Variants in EYS observed in about 807,000 individuals in gnomAD.
EYS encodes EGF-like photoreceptor maintenance factor.
Under a neutral mutation model 282.1 loss-of-function variants are expected in EYS, and 250 were observed. The observed-to-expected ratio is 0.89, with a 90% CI of 0.80 to 0.98. The LOEUF (loss-of-function observed/expected upper bound fraction) is 0.98. EYS is among the 50% of genes least tolerant of loss of function. EYS has a pLI of 0.00. For missense variants in EYS, 4,016 were observed against 3,709.0 expected (o/e 1.08, Z -2.15); for synonymous variants, 1,355 against 1,282.9 (o/e 1.06, Z -1.20).
intron 22 of EYS, among the ~76,000 whole-genome samples, chr6:64,799,166 C>T (rs1356746664): frequency 6.6e-6 from 1 of 151,838 alleles, no homozygotes; most frequent in African/African-American, 2.4e-5. Flanking sequence ...TCCATCCTAC[C>T]CCACAAATAC....
intron 26 of EYS, among the ~76,000 whole-genome samples, chr6:64,559,694 A>G (rs1402111599): frequency 6.6e-6 from 1 of 152,172 alleles, no homozygotes; most frequent in Non-Finnish European, 1.5e-5. Flanking sequence ...ATTGTATTAC[A>G]TAAAGATTAA....
At chr6:65,088,010 G>T (rs1774436768) in intron 12 of EYS, among the ~76,000 whole-genome samples, 1 of 152,108 alleles carries the variant, frequency 6.6e-6, no homozygotes, top group African/African-American at 2.4e-5. Flanking sequence ...TTCCCTGTTT[G>T]CACTCACTCC....
chr6:64,823,576 T>A (rs968079106), intron 19 of EYS, among the ~76,000 whole-genome samples: 2 of 151,972 alleles, frequency 1.3e-5, no homozygotes, highest in Admixed American at 6.6e-5. Context: ...CTAGCAAGCA[T>A]CTACTAATAA....
intron 33 of EYS, among the ~76,000 whole-genome samples, chr6:64,057,894 C>T (rs150797174): frequency 4.6e-5 from 7 of 152,182 alleles, no homozygotes; most frequent in African/African-American, 1.4e-4. Context: ...TTTGGTGGTA[C>T]GACCTTGGCT....
At chr6:64,264,651 T>C (rs1201330277) in intron 30 of EYS, among the ~76,000 whole-genome samples, 3 of 152,148 alleles carry the variant, frequency 2.0e-5, no homozygotes, top group Admixed American at 6.6e-5. Context: ...GGCTCATGCC[T>C]GTAATCCCAG....
chr6:64,828,002 T>C (rs1765107034), intron 19 of EYS, among the ~76,000 whole-genome samples: 1 of 151,010 alleles, frequency 6.6e-6, no homozygotes. Flanking sequence ...ATGACTGATA[T>C]GTTAAAAAAT....
At chr6:65,693,551 C>CA (rs1163121580) in intron 1 of EYS, among the ~76,000 whole-genome samples, 4 of 146,848 alleles carry the variant, frequency 2.7e-5, no homozygotes, top group East Asian at 2.4e-4. Context: ...CATGAGGTTA[C>CA]AAAAAAAACC....
At chr6:64,801,240 G>C (rs1774541601) in intron 22 of EYS, among the ~76,000 whole-genome samples, 1 of 151,994 alleles carries the variant, frequency 6.6e-6, no homozygotes, top group African/African-American at 2.4e-5. Flanking sequence ...TTTTTATATA[G>C]GACAAGCATT....
chr6:64,258,534 T>A (rs893346492), intron 30 of EYS, among the ~76,000 whole-genome samples: 2 of 152,084 alleles, frequency 1.3e-5, no homozygotes, highest in Non-Finnish European at 2.9e-5. Flanking sequence ...AATCTTGGGT[T>A]ACATAAAGAC....
intron 22 of EYS, among the ~76,000 whole-genome samples, chr6:64,686,811 A>ATATCTATATGTGTG (rs1770139185): frequency 3.1e-5 from 1 of 31,996 alleles, no homozygotes; most frequent in Non-Finnish European, 8.0e-5. Context: ...ATATGTGTGT[A>ATATCTATATGTGTG]TATATATATG....
At chr6:64,610,617 T>G (rs919621922) in intron 24 of EYS, among the ~76,000 whole-genome samples, 3 of 152,086 alleles carry the variant, frequency 2.0e-5, no homozygotes, top group African/African-American at 4.8e-5. Flanking sequence ...TTGGCCAGGC[T>G]GATCTCAAAC....
intron 33 of EYS, among the ~76,000 whole-genome samples, chr6:64,064,573 T>C (rs963196598): frequency 3.3e-5 from 5 of 152,186 alleles, no homozygotes; most frequent in Non-Finnish European, 7.4e-5. Flanking sequence ...ATAAAATTAA[T>C]CTAAACACTT....
chr6:64,727,641 T>G (rs1771803116), intron 22 of EYS, among the ~76,000 whole-genome samples: 1 of 152,206 alleles, frequency 6.6e-6, no homozygotes, highest in South Asian at 2.1e-4. Context: ...TAGTGAAAAG[T>G]AAAGGTGAGT....
chr6:65,145,183 T>C (rs899949639), intron 12 of EYS, among the ~76,000 whole-genome samples: 1 of 152,076 alleles, frequency 6.6e-6, no homozygotes, highest in Non-Finnish European at 1.5e-5. Context: ...GTTCACAGAT[T>C]TTATTCACTT....
chr6:63,900,973 CA>C (rs1190068424), intron 35 of EYS, among the ~76,000 whole-genome samples: 1 of 152,114 alleles, frequency 6.6e-6, no homozygotes, highest in South Asian at 2.1e-4. Flanking sequence ...CAGTACTCAA[CA>C]AAAAAAGTAT....
chr6:65,284,071 G>A (rs78623185), intron 12 of EYS, among the ~76,000 whole-genome samples: 6 of 151,994 alleles, frequency 3.9e-5, no homozygotes, highest in Non-Finnish European at 7.4e-5. Flanking sequence ...ATTCTGGAGC[G>A]ATTGCTTTCT....
chr6:65,045,758 G>T (rs149886778), intron 13 of EYS, among the ~76,000 whole-genome samples: 1 of 151,862 alleles, frequency 6.6e-6, no homozygotes, highest in African/African-American at 2.4e-5. Context: ...TATTTGCTAA[G>T]AGGTTTAATT....
chr6:65,596,651 T>G (rs2149787591), intron 2 of EYS, among the ~76,000 whole-genome samples: 1 of 152,144 alleles, frequency 6.6e-6, no homozygotes, highest in South Asian at 2.1e-4. Context: ...ATTTTTTTTT[T>G]TAAGTAAAGG....
chr6:65,223,554 A>G (rs1766530890), intron 12 of EYS, among the ~76,000 whole-genome samples: 1 of 152,238 alleles, frequency 6.6e-6, no homozygotes, highest in Non-Finnish European at 1.5e-5. Flanking sequence ...GACTGTTTTC[A>G]AAGACATATG....
Sources: gnomAD v4.1 joint callset for allele counts (sites outside exome capture counted in the v4.1 genomes callset) on GRCh38, gnomAD v4.1.1 for gene constraint, MANE v1.5 for transcripts, NCBI Gene and HGNC (gene_info 2026-07-23, HGNC 2026-07-21) for gene names.